The following TM9SF4 variants were observed in gnomAD, a reference collection of about 807,000 sequenced individuals.
The protein encoded by TM9SF4 is transmembrane 9 superfamily member 4.
A neutral mutation model predicts 90.4 loss-of-function variants in TM9SF4; 26 were observed. That is an observed-to-expected ratio of 0.29 (90% confidence interval 0.21 to 0.40). TM9SF4 has a LOEUF of 0.40. Among genes scored for constraint, TM9SF4 ranks in the 10% least tolerant of loss-of-function variants. The pLI is 1.00. For synonymous variants in TM9SF4, 293 were observed against 315.4 expected (o/e 0.93, Z 0.75); for missense variants, 549 against 834.8 (o/e 0.66, Z 4.22).
intron 1 of TM9SF4, among the ~76,000 whole-genome samples, chr20:32,122,845 C>T (rs898596736): frequency 6.6e-6 from 1 of 151,934 alleles, no homozygotes; most frequent in African/African-American, 2.4e-5. Flanking sequence ...TGTAGCGAGC[C>T]GAGATCACGC....
intron 2 of TM9SF4, 79 bp from the exon 3 acceptor site, chr20:32,135,995 A>G (rs1367231696): frequency 1.0e-5 from 13 of 1,263,556 alleles, no homozygotes; most frequent in Middle Eastern, 1.9e-4. Flanking sequence ...CTATTAGTTA[A>G]TATTACCAAG....
chr20:32,109,797 C>T (rs779160494), intron 1 of TM9SF4, 42 bp downstream of exon 1: 2 of 1,551,314 alleles, frequency 1.3e-6, no homozygotes, highest in Non-Finnish European at 1.7e-6. Context: ...GGAGCGGGGC[C>T]CTCCGGGGTA....
chr20:32,158,579 G>T (rs2046966073), intron 15 of TM9SF4, 65 bp downstream of exon 15: 1 of 1,538,256 alleles, frequency 6.5e-7, no homozygotes, highest in Non-Finnish European at 9.0e-7. Context: ...CTCCACTCGG[G>T]TGCTCTGCTG....
chr20:32,148,545 C>T (rs1250660374), intron 9 of TM9SF4, among the ~76,000 whole-genome samples: 1 of 151,880 alleles, frequency 6.6e-6, no homozygotes, highest in African/African-American at 2.4e-5. Context: ...TAGGGAGATC[C>T]TACCTCAACA....
chr20:32,164,968 C>T lies in TM9SF4; in HGVS notation c.1780-327C>T, dbSNP rs888378561. On this transcript the variant is annotated intron_variant, in intron 17 of 17. Coordinates refer to ENST00000398022, the MANE Select transcript of TM9SF4 (RefSeq NM_014742.4). ...CACCCCTCCCCTCCCCCACCCACTC[C>T]GACTGCTTCTCCAGCCATGCGGGAG... 5.3e-5 allele frequency among the ~76,000 whole-genome samples: 8 copies of T among 152,344 alleles called. 1 individual carries two copies. The South Asian group carries it at 6.2e-4, about 12-fold the overall frequency.
At position 32,133,094 on chromosome 20, in the gene TM9SF4, A is replaced by G. The variant is rs2046543640; in HGVS notation, c.97A>G (p.Asn33Asp). ...CTATGTGCCTGGGGTCGCGCCTATC[A>G]ACTTCCACCAGAACGATCCCGTAGA... ...AFYVPGVAPI[N>D]FHQNDPVEIK... The change falls in exon 2 of 18, where the codon AAC (asparagine) becomes GAC (aspartate). Residue 33 changes from asparagine to aspartate, a missense_variant. Transcript: ENST00000398022. 1.2e-6 allele frequency: 2 copies of G among 1,614,022 alleles called. No individual in the cohort carries two copies. Among genetic ancestry groups the G allele is most frequent in the African/African-American group, 1.3e-5 (1 of 74,904 alleles).
chr20:32,132,761 C>G (rs2046538784), intron 1 of TM9SF4, among the ~76,000 whole-genome samples: 1 of 152,132 alleles, frequency 6.6e-6, no homozygotes, highest in African/African-American at 2.4e-5. Context: ...AGACATGGCT[C>G]CTGTGTGATA....
intron 2 of TM9SF4, among the ~76,000 whole-genome samples, chr20:32,134,073 C>T (rs929539250): frequency 6.6e-6 from 1 of 151,902 alleles, no homozygotes; most frequent in African/African-American, 2.4e-5. Context: ...TTCAGCCTCC[C>T]AGAGTGCTGG....
chr20:32,167,164 CTTT>C lies in TM9SF4; in HGVS notation c.*1723_*1725del, dbSNP rs2047109835. 6.6e-6 allele frequency: 1 copy of C among 151,864 alleles called. No individual in the cohort carries two copies. The highest frequency in any genetic ancestry group is 1.5e-5 in the Non-Finnish European group (1 of 67,994). 9.4% of individuals were successfully genotyped at this position (151,864 alleles called of 1,614,324 possible). A position where few individuals can be genotyped will look rare whatever the true frequency, so the allele number is the denominator to read the frequency against. ...GTTCAAAGATCATCAATTTTTCTGA[CTTT>C]TTAAATCATTATCATTATTATTTTT... On this transcript the variant is annotated 3_prime_UTR_variant, in exon 18 of 18. Coordinates refer to ENST00000398022, the MANE Select transcript of TM9SF4 (RefSeq NM_014742.4).
intron 13 of TM9SF4, among the ~76,000 whole-genome samples, chr20:32,157,376 C>G (rs1258973896): frequency 1.3e-5 from 2 of 152,216 alleles, no homozygotes; most frequent in African/African-American, 4.8e-5. Context: ...TTTATAGCCT[C>G]CTTTTTACAC....
At chr20:32,147,591 A>G (rs1336402186) in intron 9 of TM9SF4, among the ~76,000 whole-genome samples, 1 of 152,170 alleles carries the variant, frequency 6.6e-6, no homozygotes, top group Non-Finnish European at 1.5e-5. Context: ...GGTGGCTCAC[A>G]CCTGTTATCT....
chr20:32,153,449 G>T (rs2046871853), intron 12 of TM9SF4, among the ~76,000 whole-genome samples: 1 of 152,238 alleles, frequency 6.6e-6, no homozygotes, highest in Non-Finnish European at 1.5e-5. Context: ...CTGGTGATCA[G>T]TGTGGCAAGA....
chr20:32,135,803 A>G (rs1308048627), intron 2 of TM9SF4, among the ~76,000 whole-genome samples: 1 of 152,208 alleles, frequency 6.6e-6, no homozygotes, highest in East Asian at 1.9e-4. Context: ...AAGATGCCCA[A>G]AAGTGAAATT....
rs201976124 is a variant in TM9SF4 at position 32,141,660 on chromosome 20, C to T, written c.393C>T (p.Val131=). 2 of 1,614,092 alleles carry T rather than the reference C, an allele frequency of 1.2e-6. No homozygotes were observed. The highest frequency in any genetic ancestry group is 1.7e-6 in the Non-Finnish European group (2 of 1,180,000). The change falls in exon 4 of 18, where the codon GTC becomes GTT. Residue 131 remains valine, a synonymous_variant. Transcript: ENST00000398022. ...AGCGGATCACAGAAGACTACTACGT[C>T]CACCTGTAAGTCGCCCTGTGCTCCT... ...VAERITEDYY[V]HLIADNLPVA...
At chr20:32,131,217 T>A (rs1287473967) in intron 1 of TM9SF4, among the ~76,000 whole-genome samples, 1 of 152,180 alleles carries the variant, frequency 6.6e-6, no homozygotes, top group Non-Finnish European at 1.5e-5. Flanking sequence ...GCTTTCCTAA[T>A]GAACATCAGC....
At chr20:32,155,054 A>C in intron 12 of TM9SF4, 49 bp from the exon 13 acceptor site, 1 of 1,506,616 alleles carries the variant, frequency 6.6e-7, no homozygotes, top group Non-Finnish European at 9.2e-7. Context: ...CGGGACAGGT[A>C]GGGGAGGTCC....
intron 1 of TM9SF4, among the ~76,000 whole-genome samples, chr20:32,132,604 G>C (rs1261995790): frequency 6.6e-6 from 1 of 151,976 alleles, no homozygotes; most frequent in African/African-American, 2.4e-5. Context: ...AACATCTCTT[G>C]GTAACATAGG....
intron 8 of TM9SF4, among the ~76,000 whole-genome samples, chr20:32,146,275 A>T (rs1376210909): frequency 6.6e-6 from 1 of 152,118 alleles, no homozygotes; most frequent in Admixed American, 6.5e-5. Context: ...TGGGGGTGGG[A>T]GTGGCTCTGT....
chr20:32,111,082 CCTT>C (rs907481119), intron 1 of TM9SF4, among the ~76,000 whole-genome samples: 7 of 152,196 alleles, frequency 4.6e-5, no homozygotes, highest in African/African-American at 1.7e-4. Flanking sequence ...AATTTTCCCT[CCTT>C]CTCTTAGCTG....
Sources: gnomAD v4.1 joint callset for allele counts (sites outside exome capture counted in the v4.1 genomes callset) on GRCh38, gnomAD v4.1.1 for gene constraint, MANE v1.5 for transcripts, NCBI Gene and HGNC (gene_info 2026-07-23, HGNC 2026-07-21) for gene names.